Variants in CAMK1D observed in about 807,000 individuals in gnomAD.
CAMK1D encodes calcium/calmodulin-dependent protein kinase type 1D.
A neutral mutation model predicts 47.7 loss-of-function variants in CAMK1D; 9 were observed. The observed-to-expected ratio is 0.19, with a 90% CI of 0.11 to 0.33. The LOEUF (loss-of-function observed/expected upper bound fraction) is 0.33. CAMK1D is among the 10% of genes least tolerant of loss of function. The pLI, the probability that CAMK1D is intolerant of heterozygous loss-of-function variation, is 1.00. For synonymous variants in CAMK1D, 184 were observed against 184.9 expected (o/e 0.99, Z 0.04); for missense variants, 291 against 488.7 (o/e 0.60, Z 3.81).
At chr10:12,694,347 C>T (rs1343940135) in intron 3 of CAMK1D, among the ~76,000 whole-genome samples, 2 of 52,124 alleles carry the variant, frequency 3.8e-5, no homozygotes, top group Non-Finnish European at 6.6e-5. Context: ...TAATATATAA[C>T]ATATATATGT....
In CAMK1D at chr10:12,437,179, T is replaced by C. The variant is rs572345229; in HGVS notation, c.92+87269T>C. Reference sequence around the variant, plus strand: ...TATCTATCATCTATCTGTCCATCTGTCTGTCTGTCTGTCTGTCTGTCTATG... The same window carrying C: ...TATCTATCATCTATCTGTCCATCTGCCTGTCTGTCTGTCTGTCTGTCTATG... On this transcript the variant is annotated intron_variant, in intron 1 of 10. Coordinates refer to ENST00000619168, the MANE Select transcript of CAMK1D (RefSeq NM_153498.4). Among the ~76,000 whole-genome samples the C allele has an allele frequency of 4.1e-4, 63 of 151,922 alleles. 1 individual carries two copies. The South Asian group carries it at 0.013, about 31-fold the overall frequency.
intron 1 of CAMK1D, among the ~76,000 whole-genome samples, chr10:12,551,443 A>C (rs1836573550): frequency 6.6e-6 from 1 of 152,188 alleles, no homozygotes; most frequent in Admixed American, 6.5e-5. Context: ...TTCATTATAC[A>C]TTACTGTGTA....
chr10:12,785,541 A>G (rs1261949918), intron 5 of CAMK1D, among the ~76,000 whole-genome samples: 1 of 152,130 alleles, frequency 6.6e-6, no homozygotes, highest in Non-Finnish European at 1.5e-5. Context: ...ACTGGCCAGG[A>G]GATGGAACTG....
intron 3 of CAMK1D, among the ~76,000 whole-genome samples, chr10:12,713,740 G>A (rs1032270825): frequency 2.0e-5 from 3 of 152,192 alleles, no homozygotes; most frequent in Non-Finnish European, 2.9e-5. Flanking sequence ...GCATTCACCT[G>A]GATGGATGCC....
chr10:12,411,008 C>A (rs1011315786), intron 1 of CAMK1D, among the ~76,000 whole-genome samples: 1 of 152,160 alleles, frequency 6.6e-6, no homozygotes, highest in African/African-American at 2.4e-5. Flanking sequence ...CTACACTCTT[C>A]CTGTCTTCAC....
intron 4 of CAMK1D, 124 bp from the exon 5 acceptor site, chr10:12,769,549 C>T (rs1836938339): frequency 1.9e-6 from 2 of 1,041,614 alleles, no homozygotes; most frequent in Admixed American, 4.5e-5. Flanking sequence ...GTTGATGCAT[C>T]TACTGTGTCC....
In CAMK1D at chr10:12,558,469, G is replaced by T. The variant is rs776301668; in HGVS notation, c.224+5113G>T. On this transcript the variant is annotated intron_variant, in intron 2 of 10. Coordinates refer to ENST00000619168, the MANE Select transcript of CAMK1D (RefSeq NM_153498.4). ...CTTGGGAGGCTGAGGCAGGAGAATTGTTTGAACCCAGGAGGTGGAGGTTAC... is the reference window on the plus strand; with the variant it reads ...CTTGGGAGGCTGAGGCAGGAGAATTTTTTGAACCCAGGAGGTGGAGGTTAC... Among the ~76,000 whole-genome samples the T allele has an allele frequency of 5.1e-4, 77 of 152,086 alleles. 1 individual carries two copies. Among genetic ancestry groups the T allele is most frequent in the Non-Finnish European group, 1.5e-4 (10 of 68,032 alleles).
chr10:12,364,584 G>A (rs1769768152), intron 1 of CAMK1D, among the ~76,000 whole-genome samples: 1 of 151,682 alleles, frequency 6.6e-6, no homozygotes, highest in East Asian at 1.9e-4. Flanking sequence ...CTAGTTAGTG[G>A]AGCTGATGGG....
intron 1 of CAMK1D, among the ~76,000 whole-genome samples, chr10:12,410,296 T>TAACTC (rs1439823275): frequency 1.3e-5 from 2 of 152,198 alleles, no homozygotes; most frequent in Admixed American, 6.5e-5. Context: ...TGTGTGTGTG[T>TAACTC]AACTCTGTAT....
At chr10:12,503,891 C>G (rs771052581) in intron 1 of CAMK1D, among the ~76,000 whole-genome samples, 1 of 152,032 alleles carries the variant, frequency 6.6e-6, no homozygotes, top group African/African-American at 2.4e-5. Context: ...GGGAATATAC[C>G]GGACTGAGGA....
chr10:12,617,564 G>A (rs574213929), intron 2 of CAMK1D, among the ~76,000 whole-genome samples: 5 of 152,310 alleles, frequency 3.3e-5, no homozygotes, highest in South Asian at 2.1e-4. Flanking sequence ...GCTTTCGGGG[G>A]AGCCGTTTCT....
chr10:12,728,870 G>C (rs988082610), intron 3 of CAMK1D, among the ~76,000 whole-genome samples: 3 of 152,166 alleles, frequency 2.0e-5, no homozygotes, highest in Non-Finnish European at 4.4e-5. Flanking sequence ...CCCTCTTCAG[G>C]CTTGTGTCTG....
chr10:12,632,536 T>G (rs1396036356), intron 2 of CAMK1D, among the ~76,000 whole-genome samples: 1 of 152,204 alleles, frequency 6.6e-6, no homozygotes, highest in African/African-American at 2.4e-5. Flanking sequence ...CTGATTTAGC[T>G]GTTTTCTCCT....
At chr10:12,632,241 G>A (rs1450519303) in intron 2 of CAMK1D, among the ~76,000 whole-genome samples, 1 of 152,224 alleles carries the variant, frequency 6.6e-6, no homozygotes, top group Admixed American at 6.5e-5. Context: ...GAGGGAAGGG[G>A]AGTCAGAGAC....
intron 1 of CAMK1D, among the ~76,000 whole-genome samples, chr10:12,475,531 A>G (rs1049514473): frequency 6.6e-6 from 1 of 151,958 alleles, no homozygotes; most frequent in African/African-American, 2.4e-5. Flanking sequence ...TCCTCTATCC[A>G]TGGGTACCCG....
intron 5 of CAMK1D, among the ~76,000 whole-genome samples, chr10:12,778,187 A>G (rs369146707): frequency 2.6e-5 from 4 of 152,358 alleles, no homozygotes; most frequent in Admixed American, 6.5e-5. Context: ...CTAAATGACT[A>G]TTCAGCTGAA....
chr10:12,658,496 A>G (rs1026439796), intron 2 of CAMK1D, among the ~76,000 whole-genome samples: 3 of 152,100 alleles, frequency 2.0e-5, no homozygotes, highest in South Asian at 2.1e-4. Flanking sequence ...CCCCAGGCCT[A>G]TGTGCACAAA....
At chr10:12,445,360 C>G (rs1832896583) in intron 1 of CAMK1D, among the ~76,000 whole-genome samples, 1 of 152,212 alleles carries the variant, frequency 6.6e-6, no homozygotes, top group African/African-American at 2.4e-5. Context: ...TGTGAGAGTT[C>G]TGAAATGAAA....
intron 8 of CAMK1D, 138 bp downstream of exon 8, chr10:12,816,466 T>G: frequency 1.5e-6 from 1 of 676,956 alleles, no homozygotes; most frequent in Non-Finnish European, 2.5e-6. Flanking sequence ...GCCAGTGACT[T>G]TCCTCCTCTC....
Sources: gnomAD v4.1 joint callset for allele counts (sites outside exome capture counted in the v4.1 genomes callset) on GRCh38, gnomAD v4.1.1 for gene constraint, MANE v1.5 for transcripts, NCBI Gene and HGNC (gene_info 2026-07-23, HGNC 2026-07-21) for gene names.